WNT5A: variants seen among roughly 807,000 people sequenced by gnomAD.
WNT5A encodes Wnt family member 5A, also known as protein Wnt-5a.
Under a neutral mutation model 42.1 loss-of-function variants are expected in WNT5A, and 9 were observed. The observed-to-expected ratio is 0.21, with a 90% CI of 0.13 to 0.37. The LOEUF (loss-of-function observed/expected upper bound fraction) is 0.37, where lower values mean the gene tolerates loss of function less well. WNT5A is among the 10% of genes least tolerant of loss of function. The pLI is 1.00. For missense variants in WNT5A, 426 were observed against 534.0 expected (o/e 0.80, Z 1.99); for synonymous variants, 210 against 210.0 (o/e 1.00, Z 0.00).
At chr3:55,487,410 T>C (rs958948891), upstream of WNT5A, 2 of 184,752 alleles carry the variant, frequency 1.1e-5, no homozygotes, top group African/African-American at 4.7e-5. Flanking sequence ...TTACGACAAA[T>C]AATAATAAAA....
At chr3:55,471,052 A>G (rs2051241444) in intron 4 of WNT5A, among the ~76,000 whole-genome samples, 1 of 152,330 alleles carries the variant, frequency 6.6e-6, no homozygotes, top group East Asian at 1.9e-4. Context: ...GCCCGTGCTT[A>G]GTGACTTGCC....
chr3:55,502,409 A>G, the WNT5A span, among the ~76,000 whole-genome samples: 49 of 152,268 alleles, frequency 3.2e-4, no homozygotes, highest in African/African-American at 1.1e-3. Context: ...AAAATCAAAC[A>G]CTTTTTGTGG....
Position 55,487,047 on chromosome 3 carries a change from G to A in WNT5A, c.-62C>T, listed in dbSNP as rs1256043713. 6.4e-7 allele frequency: 1 copy of A among 1,563,820 alleles called. No individual in the cohort carries two copies. The highest frequency in any genetic ancestry group is 1.3e-5 in the African/African-American group (1 of 74,226). On this transcript the variant is annotated 5_prime_UTR_variant, in exon 1 of 5. Coordinates refer to ENST00000264634, the MANE Select transcript of WNT5A (RefSeq NM_003392.7). ...CCGAGCGAGCGCAGCCGAGGAATCCGAGCGGAGCGACCGGGTTAAGCCTGG... is the reference window on the plus strand; with the variant it reads ...CCGAGCGAGCGCAGCCGAGGAATCCAAGCGGAGCGACCGGGTTAAGCCTGG...
intron 1 of WNT5A, 63 bp downstream of exon 1, chr3:55,486,917 T>C: frequency 1.5e-6 from 2 of 1,316,962 alleles, no homozygotes; most frequent in African/African-American, 1.4e-5. Context: ...GGGAACTCAG[T>C]TAACTTCCAA....
rs1440267732 is a variant in WNT5A at position 55,468,698 on chromosome 3, C to T, written c.*1394G>A. 1 of 151,714 alleles carries T rather than the reference C, an allele frequency of 6.6e-6. No homozygotes were observed. Among genetic ancestry groups the T allele is most frequent in the Non-Finnish European group, 1.5e-5 (1 of 67,896 alleles). The allele number at this position is 151,714 out of a possible 1,614,324, so 9.4% of individuals were successfully genotyped here. ...ACAAAAGACTTTGAGATATCAGGCACCATTAAACCACATTTCCCCCCTTAT... is the reference window on the plus strand; with the variant it reads ...ACAAAAGACTTTGAGATATCAGGCATCATTAAACCACATTTCCCCCCTTAT... On this transcript the variant is annotated 3_prime_UTR_variant, in exon 5 of 5. Transcript: ENST00000264634.
intron 3 of WNT5A, among the ~76,000 whole-genome samples, chr3:55,476,597 C>T (rs890202131): frequency 6.6e-6 from 1 of 152,180 alleles, no homozygotes; most frequent in Non-Finnish European, 1.5e-5. Context: ...AGGCTTTATA[C>T]AAAACACAAA....
chr3:55,484,416 C>T (rs2051532278), intron 1 of WNT5A, among the ~76,000 whole-genome samples: 1 of 152,184 alleles, frequency 6.6e-6, no homozygotes, highest in South Asian at 2.1e-4. Flanking sequence ...AGCCTCACGC[C>T]TGGGCGCAAG....
intron 3 of WNT5A, 65 bp downstream of exon 3, chr3:55,479,249 T>C (rs965300160): frequency 1.4e-6 from 2 of 1,433,256 alleles, no homozygotes; most frequent in Non-Finnish European, 1.8e-6. Context: ...ATGAAGTAAA[T>C]GCTAAGGATT....
At chr3:55,487,404 G>A (rs539196297), upstream of WNT5A, 11 of 198,592 alleles carry the variant, frequency 5.5e-5, no homozygotes, top group East Asian at 1.2e-3. Flanking sequence ...AAGACCTTAC[G>A]ACAAATAATA....
Position 55,474,635 on chromosome 3 carries a change from G to T in WNT5A, c.392-6C>A. ...GAAGGCCGTCTCGCGGCTGCCTGTG[G>T]GTGAGGACAAGGGATCACTGGCCGC... is the stretch of plus-strand genomic sequence containing the variant. On this transcript the variant is annotated splice_region_variant and splice_polypyrimidine_tract_variant and intron_variant, in intron 3 of 4. Transcript: ENST00000264634. 1 of 1,421,058 alleles carries T rather than the reference G, an allele frequency of 7.0e-7. No individual in the cohort carries two copies. Among genetic ancestry groups the T allele is most frequent in the Non-Finnish European group, 9.2e-7 (1 of 1,092,780 alleles). 88.0% of individuals were successfully genotyped at this position (1,421,058 alleles called of 1,614,324 possible). A position where few individuals can be genotyped will look rare whatever the true frequency, so the allele number is the denominator to read the frequency against.
chr3:55,492,232 C>T (rs11130475), upstream of WNT5A, among the ~76,000 whole-genome samples: 2,991 of 56,346 alleles, frequency 0.053, 82 homozygotes, highest in African/African-American at 0.15. Flanking sequence ...TGCTTTGTGG[C>T]GGGGGGGCAC....
upstream of WNT5A, chr3:55,488,390 T>TC (rs1469946841): frequency 4.2e-5 from 6 of 144,332 alleles, no homozygotes; most frequent in Non-Finnish European, 9.1e-5. Context: ...GACTCCTCTT[T>TC]CCCCTGGTGT....
Position 55,468,138 on chromosome 3 carries a change from TAAAAAAA to T in WNT5A, c.*1947_*1953del, listed in dbSNP as rs78756487. On this transcript the variant is annotated 3_prime_UTR_variant, in exon 5 of 5. Coordinates refer to ENST00000264634, the MANE Select transcript of WNT5A (RefSeq NM_003392.7). ...ACTGTTTGGAAAGAGGTGTCCTTAT[TAAAAAAA>T]AAAAAAAAAAAGCTATCTATGTAGT... The T allele has an allele frequency of 7.5e-6, 1 of 133,990 alleles. No homozygotes were observed. The highest frequency in any genetic ancestry group is 1.6e-5 in the Non-Finnish European group (1 of 63,130). 8.3% of individuals were successfully genotyped at this position (133,990 alleles called of 1,614,324 possible). A position where few individuals can be genotyped will look rare whatever the true frequency, so the allele number is the denominator to read the frequency against.
intron 1 of WNT5A, 90 bp downstream of exon 1, chr3:55,486,890 G>T: frequency 1.1e-6 from 1 of 909,334 alleles, no homozygotes; most frequent in Non-Finnish European, 1.8e-6. Flanking sequence ...GGAAATGGAG[G>T]GATAGGAAGA....
At chr3:55,493,072 A>G (rs2051679586), upstream of WNT5A, among the ~76,000 whole-genome samples, 1 of 152,112 alleles carries the variant, frequency 6.6e-6, no homozygotes, top group African/African-American at 2.4e-5. Context: ...ATCAAGAACG[A>G]CACCATCCAT....
chr3:55,466,524 A>T lies in WNT5A; in HGVS notation c.*3568T>A, dbSNP rs1481237398. 6.6e-6 allele frequency: 1 copy of T among 152,338 alleles called. No homozygotes were observed. The highest frequency in any genetic ancestry group is 2.4e-5 in the African/African-American group (1 of 41,466). 9.4% of individuals were successfully genotyped at this position (152,338 alleles called of 1,614,324 possible). ...AGGCAACTAAAACTTACACAGTGCC[A>T]GTCTCAGGAGGTCAGTAGCTCACAG... On this transcript the variant is annotated 3_prime_UTR_variant, in exon 5 of 5. Coordinates refer to ENST00000264634, the MANE Select transcript of WNT5A (RefSeq NM_003392.7).
chr3:55,499,719 A>C, the WNT5A span, among the ~76,000 whole-genome samples: 1 of 152,158 alleles, frequency 6.6e-6, no homozygotes, highest in Non-Finnish European at 1.5e-5. Flanking sequence ...CACGCCTGTA[A>C]TCCCAGCACT....
At position 55,469,905 on chromosome 3, in the gene WNT5A, C is replaced by A; in HGVS notation, c.*187G>T. The A allele has an allele frequency of 1.7e-6, 1 of 578,908 alleles. No individual in the cohort carries two copies. Among genetic ancestry groups the A allele is most frequent in the Non-Finnish European group, 2.9e-6 (1 of 346,906 alleles). 35.9% of individuals were successfully genotyped at this position (578,908 alleles called of 1,614,324 possible). On this transcript the variant is annotated 3_prime_UTR_variant, in exon 5 of 5. Coordinates refer to ENST00000264634, the MANE Select transcript of WNT5A (RefSeq NM_003392.7). Reference sequence around the variant, plus strand: ...TTCTTGGTTCCCACCCCCATTATTGCCAAATAATAATTATAATATTAATAA... The same window carrying A: ...TTCTTGGTTCCCACCCCCATTATTGACAAATAATAATTATAATATTAATAA...
At position 55,469,918 on chromosome 3, in the gene WNT5A, A is replaced by G. The variant is rs1443738125; in HGVS notation, c.*174T>C. 1 of 607,396 alleles carries G rather than the reference A, an allele frequency of 1.6e-6. No homozygotes were observed. Among genetic ancestry groups the G allele is most frequent in the Non-Finnish European group, 2.8e-6 (1 of 363,132 alleles). 37.6% of individuals were successfully genotyped at this position (607,396 alleles called of 1,614,324 possible). On this transcript the variant is annotated 3_prime_UTR_variant, in exon 5 of 5. Transcript: ENST00000264634. The stretch of plus-strand genomic sequence containing the variant: ...CCCCCATTATTGCCAAATAATAATT[A>G]TAATATTAATAATAAACCACAGAGT...
Sources: allele counts gnomAD v4.1 joint callset (sites outside exome capture counted in the v4.1 genomes callset), GRCh38; gene constraint gnomAD v4.1.1; transcripts MANE v1.5; gene names NCBI Gene and HGNC (gene_info 2026-07-23, HGNC 2026-07-21).